The following PLEKHG1 variants were observed in gnomAD, a reference collection of about 807,000 sequenced individuals.
The protein encoded by PLEKHG1 is pleckstrin homology and RhoGEF domain containing G1.
In PLEKHG1, 44 loss-of-function variants were observed where a neutral mutation model predicts 100.8. That is an observed-to-expected ratio of 0.44 (90% CI 0.34 to 0.56). The LOEUF (loss-of-function observed/expected upper bound fraction) is 0.56, where lower values mean the gene tolerates loss of function less well. Among genes scored for constraint, PLEKHG1 ranks in the 20% least tolerant of loss-of-function variants. The pLI is 0.01. For missense variants in PLEKHG1, 1,545 were observed against 1,720.9 expected (o/e 0.90, Z 1.81); for synonymous variants, 640 against 662.5 (o/e 0.97, Z 0.52).
chr6:150,709,023 C>T (rs1200169102), intron 3 of PLEKHG1, among the ~76,000 whole-genome samples: 1 of 152,172 alleles, frequency 6.6e-6, no homozygotes, highest in Non-Finnish European at 1.5e-5. Context: ...AGACATCTTT[C>T]ACAAATTCTG....
intron 3 of PLEKHG1, among the ~76,000 whole-genome samples, chr6:150,704,041 A>G (rs1457953404): frequency 6.6e-6 from 1 of 151,646 alleles, no homozygotes; most frequent in Non-Finnish European, 1.5e-5. Context: ...AAGTGCAACA[A>G]TTGCAAATAA....
intron 7 of PLEKHG1, 71 bp downstream of exon 8, chr6:150,804,812 T>C (rs994777115): frequency 4.7e-6 from 7 of 1,474,732 alleles, no homozygotes; most frequent in African/African-American, 1.4e-5. Context: ...CAATAAAATA[T>C]TAAGGCTGCT....
intron 2 of PLEKHG1, among the ~76,000 whole-genome samples, chr6:150,645,553 T>C (rs1032709397): frequency 6.6e-6 from 1 of 152,144 alleles, no homozygotes; most frequent in Admixed American, 6.6e-5. Flanking sequence ...CTCCAACAAA[T>C]TCATAAGCAG....
intron 2 of PLEKHG1, among the ~76,000 whole-genome samples, chr6:150,739,055 T>C (rs1782713606): frequency 6.6e-6 from 1 of 152,154 alleles, no homozygotes; most frequent in Non-Finnish European, 1.5e-5. Context: ...TTCTAAATGA[T>C]CTATAAAAGA....
rs199617032 is a variant in PLEKHG1, at chr6:150,730,040, G to T, written c.-98-3544G>T. Among the ~76,000 whole-genome samples, 13 of 152,262 alleles carry T rather than the reference G, an allele frequency of 8.5e-5. No individual in the cohort carries two copies. In the East Asian group the frequency reaches 2.3e-3, roughly 27 times the overall value. ...ATCTAATATAAAGTGAAAGTAAGTA[G>T]AGAAAAGAAATGATGATAAGAAAAT... On this transcript the variant is annotated intron_variant, in intron 1 of 15. Coordinates refer to ENST00000358517, the Ensembl canonical transcript of PLEKHG1.
At chr6:150,741,085 C>T (rs930753642) in intron 2 of PLEKHG1, among the ~76,000 whole-genome samples, 2 of 152,210 alleles carry the variant, frequency 1.3e-5, no homozygotes, top group Non-Finnish European at 2.9e-5. Context: ...CATACTGCAA[C>T]CTGATCTGGG....
At chr6:150,724,513 C>T (rs1363412893) in intron 1 of PLEKHG1, among the ~76,000 whole-genome samples, 1 of 151,524 alleles carries the variant, frequency 6.6e-6, no homozygotes, top group Non-Finnish European at 1.5e-5. Flanking sequence ...GCTGCATTTG[C>T]ATAAAAAGCC....
At position 150,746,961 on chromosome 6, in the gene PLEKHG1, G is replaced by C. The variant is rs74652175; in HGVS notation, c.411+12869G>C. ...GTTCCTTTTTATTCTCTTAGGCTTTGCTTTTAAGGCAACATTTTGACTTTT... is the reference window on the plus strand; with the variant it reads ...GTTCCTTTTTATTCTCTTAGGCTTTCCTTTTAAGGCAACATTTTGACTTTT... On this transcript the variant is annotated intron_variant, in intron 2 of 15. Coordinates refer to ENST00000358517, the Ensembl canonical transcript of PLEKHG1. 4.3e-3 allele frequency among the ~76,000 whole-genome samples: 653 copies of C among 152,300 alleles called. 3 individuals carry two copies. The highest frequency in any genetic ancestry group is 6.4e-3 in the Non-Finnish European group (438 of 68,022).
chr6:150,603,444 A>G (rs1776453561), intron 1 of PLEKHG1, among the ~76,000 whole-genome samples: 1 of 152,212 alleles, frequency 6.6e-6, no homozygotes, highest in Non-Finnish European at 1.5e-5. Flanking sequence ...GTCTATGCTG[A>G]TGAAAAGCAA....
At chr6:150,741,893 G>A (rs1782877579) in intron 2 of PLEKHG1, among the ~76,000 whole-genome samples, 1 of 152,192 alleles carries the variant, frequency 6.6e-6, no homozygotes. Flanking sequence ...GGAACGTTTA[G>A]CAGCAAGGCT....
At chr6:150,751,180 G>T (rs1783491847) in intron 2 of PLEKHG1, among the ~76,000 whole-genome samples, 1 of 152,158 alleles carries the variant, frequency 6.6e-6, no homozygotes, top group South Asian at 2.1e-4. Flanking sequence ...AAATAAAAAA[G>T]ATATTTTGTT....
chr6:150,791,243 C>A (rs1231172066), intron 4 of PLEKHG1, among the ~76,000 whole-genome samples: 1 of 152,054 alleles, frequency 6.6e-6, no homozygotes. Flanking sequence ...TTCTGATACT[C>A]AAGTTTGAGG....
chr6:150,797,380 G>A (rs771808125), intron 5 of PLEKHG1, among the ~76,000 whole-genome samples: 9 of 152,054 alleles, frequency 5.9e-5, no homozygotes, highest in Non-Finnish European at 8.8e-5. Flanking sequence ...TAAAAGACCC[G>A]GGATGTTGCT....
intron 3 of PLEKHG1, among the ~76,000 whole-genome samples, chr6:150,688,883 TACATA>T (rs1780242434): frequency 6.6e-6 from 1 of 152,250 alleles, no homozygotes; most frequent in Non-Finnish European, 1.5e-5. Context: ...TGGTAAAATA[TACATA>T]ACATAAAATT....
At chr6:150,723,316 G>A (rs541729701) in intron 1 of PLEKHG1, among the ~76,000 whole-genome samples, 116 of 152,268 alleles carry the variant, frequency 7.6e-4, no homozygotes, top group African/African-American at 1.6e-3. Flanking sequence ...TTTAATTTCC[G>A]GTTGGTTCTC....
intron 1 of PLEKHG1, among the ~76,000 whole-genome samples, chr6:150,616,235 A>G (rs1777066727): frequency 6.6e-6 from 1 of 152,204 alleles, no homozygotes; most frequent in Admixed American, 6.5e-5. Flanking sequence ...GCTCTCTGCA[A>G]TTAGAGACCA....
intron 3 of PLEKHG1, chr6:150,652,058 G>A (rs935948954): frequency 6.6e-6 from 1 of 152,148 alleles, no homozygotes; most frequent in East Asian, 1.9e-4. Context: ...TAGTCTTTAG[G>A]TAATATTTTA....
At position 150,830,527 on chromosome 6, in the gene PLEKHG1, TA is replaced by T. The variant is rs1776856529; in HGVS notation, c.1471-54del. The T allele has an allele frequency of 2.3e-6, 3 of 1,298,966 alleles. No individual in the cohort carries two copies. The East Asian group carries it at 7.0e-5, about 30-fold the overall frequency. 80.5% of individuals were successfully genotyped at this position (1,298,966 alleles called of 1,614,324 possible). A position where few individuals can be genotyped will look rare whatever the true frequency, so the allele number is the denominator to read the frequency against. On this transcript the variant is annotated intron_variant, in intron 14 of 15. Coordinates refer to ENST00000358517, the Ensembl canonical transcript of PLEKHG1. ...GTAAACACAGGAGAAATTCCTGAGT[TA>T]TGTGTCTTCTCCATGGTGCTGTGAT...
At chr6:150,763,976 A>G (rs1562497667) in intron 2 of PLEKHG1, among the ~76,000 whole-genome samples, 1 of 152,054 alleles carries the variant, frequency 6.6e-6, no homozygotes, top group Non-Finnish European at 1.5e-5. Context: ...CATGCTTTCT[A>G]TTATTCTCCA....
Sources: allele counts gnomAD v4.1 joint callset (sites outside exome capture counted in the v4.1 genomes callset), GRCh38; gene constraint gnomAD v4.1.1; transcripts MANE v1.5; gene names NCBI Gene and HGNC (gene_info 2026-07-23, HGNC 2026-07-21).